Variants in PRDM11 observed in about 807,000 individuals in gnomAD.
The protein encoded by PRDM11 is PR domain-containing protein 11.
PRDM11 carries 20 observed loss-of-function variants against 97.8 expected under a neutral mutation model. That is an observed-to-expected ratio of 0.20 (90% CI 0.14 to 0.30). The LOEUF is 0.30. Ranked by LOEUF, PRDM11 falls within the 10% of genes least tolerant of loss-of-function variation. The pLI is 1.00. For missense variants in PRDM11, 1,139 were observed against 1,555.2 expected (o/e 0.73, Z 4.50); for synonymous variants, 599 against 637.7 (o/e 0.94, Z 0.91).
At chr11:45,119,227 C>T (rs562283429) in intron 1 of PRDM11, among the ~76,000 whole-genome samples, 13 of 152,306 alleles carry the variant, frequency 8.5e-5, no homozygotes, top group South Asian at 2.1e-4. Context: ...AACTAGTTTC[C>T]TTCCTGAAAC....
At chr11:45,167,838 C>T (rs764171418) in intron 1 of PRDM11, among the ~76,000 whole-genome samples, 2 of 151,516 alleles carry the variant, frequency 1.3e-5, no homozygotes, top group East Asian at 1.9e-4. Context: ...AGCTGGCTGC[C>T]TGATAGTGAG....
chr11:45,206,959 G>A (rs1853534218), intron 5 of PRDM11, among the ~76,000 whole-genome samples: 1 of 152,230 alleles, frequency 6.6e-6, no homozygotes, highest in Non-Finnish European at 1.5e-5. Flanking sequence ...GATGGGCACT[G>A]GTGAGCAGGG....
intron 1 of PRDM11, among the ~76,000 whole-genome samples, chr11:45,113,654 G>C (rs1176966037): frequency 6.6e-6 from 1 of 151,922 alleles, no homozygotes. Context: ...TCCTTGTAGA[G>C]ATCTTTCACC....
At chr11:45,126,467 G>A (rs1852575733) in intron 1 of PRDM11, among the ~76,000 whole-genome samples, 1 of 152,084 alleles carries the variant, frequency 6.6e-6, no homozygotes, top group Non-Finnish European at 1.5e-5. Context: ...TTTTGCAGTG[G>A]CTGGTACCGG....
intron 1 of PRDM11, among the ~76,000 whole-genome samples, chr11:45,110,932 C>T (rs1852164457): frequency 2.0e-5 from 3 of 152,088 alleles, no homozygotes; most frequent in Non-Finnish European, 4.4e-5. Flanking sequence ...AGATTCCCCC[C>T]TTACCCCCCT....
In PRDM11 at chr11:45,227,633, G is replaced by C. The variant is rs1257499333; in HGVS notation, c.3008G>C (p.Ser1003Thr). The C allele has an allele frequency of 6.5e-6, 10 of 1,533,950 alleles. No individual in the cohort carries two copies. Among genetic ancestry groups the C allele is most frequent in the Non-Finnish European group, 7.8e-6 (9 of 1,146,730 alleles). The change falls in exon 8 of 8, where the codon AGC (serine) becomes ACC (threonine). Residue 1003 changes from serine to threonine, a missense_variant. By Grantham distance (58) the Ser-to-Thr change is moderately conservative (BLOSUM62 1). Coordinates refer to ENST00000683152, the MANE Select transcript of PRDM11 (RefSeq NM_001384648.1). This position sits in a 1 kb window ranked among gnomAD's most constrained non-coding sequence, Gnocchi z 8.0. ...CCCAGGAGCAGTGAGGAGCTGATGAGCTATGGCAAGGAGGATATGGTGCAA... is the reference window on the plus strand; with the variant it reads ...CCCAGGAGCAGTGAGGAGCTGATGACCTATGGCAAGGAGGATATGGTGCAA... ...AWPRSSEELM[S>T]YGKEDMVQIF...
intron 5 of PRDM11, among the ~76,000 whole-genome samples, chr11:45,206,002 G>C (rs1853496821): frequency 6.6e-6 from 1 of 152,132 alleles, no homozygotes; most frequent in Admixed American, 6.5e-5. Context: ...CAACCTCCTT[G>C]GACACAGCTG....
At chr11:45,149,562 A>G (rs1026875627) in intron 1 of PRDM11, among the ~76,000 whole-genome samples, 1 of 152,192 alleles carries the variant, frequency 6.6e-6, no homozygotes, top group Non-Finnish European at 1.5e-5. Flanking sequence ...CTGGAGCTCT[A>G]CCTGCGCTTG....
intron 1 of PRDM11, among the ~76,000 whole-genome samples, chr11:45,157,227 A>G (rs1013156958): frequency 1.3e-5 from 2 of 152,120 alleles, no homozygotes; most frequent in African/African-American, 4.8e-5. Context: ...CAATTTTTCC[A>G]TGGACGGGGT....
At chr11:45,148,399 C>T (rs542989945) in intron 1 of PRDM11, among the ~76,000 whole-genome samples, 1 of 152,300 alleles carries the variant, frequency 6.6e-6, no homozygotes, top group Non-Finnish European at 1.5e-5. Context: ...GTTCCAGGGC[C>T]TGGCATACTG....
At chr11:45,132,157 C>A (rs948066296) in intron 1 of PRDM11, among the ~76,000 whole-genome samples, 1 of 152,218 alleles carries the variant, frequency 6.6e-6, no homozygotes, top group Non-Finnish European at 1.5e-5. Flanking sequence ...CTGTCATTAT[C>A]TTAAACCAAT....
rs1462388039 is a variant in PRDM11 at position 45,231,852 on chromosome 11, AT to A, written c.*3696del. Reference sequence around the variant, plus strand: ...GCATCAGAAACAGCAGCCTTATTTAATTTAATTTTTCTAATGACTGGCCTAT... The same window carrying A: ...GCATCAGAAACAGCAGCCTTATTTAATTAATTTTTCTAATGACTGGCCTAT... On this transcript the variant is annotated 3_prime_UTR_variant, in exon 8 of 8. Transcript: ENST00000683152. 6.6e-6 allele frequency: 1 copy of A among 151,974 alleles called. No individual in the cohort carries two copies. The highest frequency in any genetic ancestry group is 1.5e-5 in the Non-Finnish European group (1 of 67,998). 9.4% of individuals were successfully genotyped at this position (151,974 alleles called of 1,614,324 possible). A position where few individuals can be genotyped will look rare whatever the true frequency, so the allele number is the denominator to read the frequency against.
chr11:45,148,531 C>G (rs1851580168), intron 1 of PRDM11, among the ~76,000 whole-genome samples: 1 of 152,192 alleles, frequency 6.6e-6, no homozygotes. Flanking sequence ...CAAGGAACAG[C>G]TGGTGGCAGG....
rs992383445 is a variant in PRDM11 at position 45,219,992 on chromosome 11, A to G, written c.742+235A>G. Among the ~76,000 whole-genome samples the G allele has an allele frequency of 6.6e-6, 1 of 152,204 alleles. No individual in the cohort carries two copies. The highest frequency in any genetic ancestry group is 1.5e-5 in the Non-Finnish European group (1 of 68,034). On this transcript the variant is annotated intron_variant, in intron 6 of 7. Coordinates refer to ENST00000683152, the MANE Select transcript of PRDM11 (RefSeq NM_001384648.1). This position sits in a 1 kb window ranked among gnomAD's most constrained non-coding sequence, Gnocchi z 4.2. ...GAAATCCTTACCACACACATTTCAG[A>G]GTATTCATGAGAGAGACGCCCCCAA...
intron 1 of PRDM11, among the ~76,000 whole-genome samples, chr11:45,164,504 C>G (rs1852012278): frequency 6.6e-6 from 1 of 152,272 alleles, no homozygotes; most frequent in African/African-American, 2.4e-5. Flanking sequence ...GCTCTGCCAG[C>G]TGGCTGCCAG....
At chr11:45,115,047 A>C (rs904027685) in intron 1 of PRDM11, among the ~76,000 whole-genome samples, 5 of 152,132 alleles carry the variant, frequency 3.3e-5, no homozygotes, top group Non-Finnish European at 7.4e-5. Context: ...AATCGTTATA[A>C]AGGAAAAAAC....
At chr11:45,138,563 G>C (rs1852927449) in intron 1 of PRDM11, among the ~76,000 whole-genome samples, 1 of 152,142 alleles carries the variant, frequency 6.6e-6, no homozygotes, top group African/African-American at 2.4e-5. Flanking sequence ...GCGAGACTCT[G>C]TCTCAAAAAT....
chr11:45,185,578 G>C (rs574825431), intron 4 of PRDM11, among the ~76,000 whole-genome samples: 76 of 152,282 alleles, frequency 5.0e-4, no homozygotes, highest in African/African-American at 1.5e-3. Flanking sequence ...TGAAGTGCTT[G>C]AGTGTAGAGT....
chr11:45,156,711 A>G (rs1851802954), intron 1 of PRDM11, among the ~76,000 whole-genome samples: 1 of 152,206 alleles, frequency 6.6e-6, no homozygotes, highest in Non-Finnish European at 1.5e-5. Context: ...TGAAGGTAGG[A>G]TGCGCCTGGC....
Sources: gnomAD v4.1 joint callset for allele counts (sites outside exome capture counted in the v4.1 genomes callset) on GRCh38, gnomAD v4.1.1 for gene constraint, Gnocchi (gnomAD v3.1) non-coding constraint, MANE v1.5 for transcripts, NCBI Gene and HGNC (gene_info 2026-07-23, HGNC 2026-07-21) for gene names.